Variants in ZNF493 observed in about 807,000 individuals in gnomAD.
ZNF493 encodes the protein zinc finger protein 493.
In ZNF493, 11 loss-of-function variants were observed where a neutral mutation model predicts 12.2. The observed-to-expected ratio is 0.90, with a 90% confidence interval of 0.57 to 1.50. ZNF493 has a LOEUF of 1.50. Ranked by LOEUF, ZNF493 falls within the 40% of genes most tolerant of loss-of-function variation. ZNF493 has a pLI of 0.00. For missense variants in ZNF493, 950 were observed against 906.6 expected, an observed-to-expected ratio of 1.05 and a Z score of -0.61; for synonymous variants, 286 against 302.6, an observed-to-expected ratio of 0.95 and a Z score of 0.57.
At chr19:21,402,401 G>A (rs867867970) in intron 1 of ZNF493, among the ~76,000 whole-genome samples, 3 of 152,138 alleles carry the variant, frequency 2.0e-5, no homozygotes, top group Admixed American at 1.3e-4. Flanking sequence ...TGGCCCTGAC[G>A]AACTCTCTAA....
At chr19:21,410,066 A>G (rs1479327255) in intron 3 of ZNF493, among the ~76,000 whole-genome samples, 6 of 73,926 alleles carry the variant, frequency 8.1e-5, no homozygotes, top group African/African-American at 1.4e-4. Context: ...GTGTGTATAT[A>G]TATATATATA....
intron 1 of ZNF493, among the ~76,000 whole-genome samples, chr19:21,401,182 G>A (rs2029932487): frequency 6.6e-6 from 1 of 152,142 alleles, no homozygotes; most frequent in Non-Finnish European, 1.5e-5. Context: ...AAATTTCATT[G>A]CAAGCTTTTT....
intron 3 of ZNF493, among the ~76,000 whole-genome samples, chr19:21,411,134 T>C (rs1487514243): frequency 1.3e-5 from 2 of 152,174 alleles, no homozygotes; most frequent in Admixed American, 6.5e-5. Context: ...ATATAGTTTT[T>C]AAAAATGATG....
At chr19:21,412,711 G>C (rs2030363465) in intron 3 of ZNF493, 1 of 236,518 alleles carries the variant, frequency 4.2e-6, no homozygotes, top group South Asian at 4.4e-5. Flanking sequence ...CTGCTAATCT[G>C]TCTGCAGCTC....
chr19:21,416,689 C>G (rs1008660719), intron 3 of ZNF493, among the ~76,000 whole-genome samples: 4 of 152,138 alleles, frequency 2.6e-5, no homozygotes, highest in Non-Finnish European at 4.4e-5. Context: ...TCCTCCTGTT[C>G]GTTTAATTTC....
intron 3 of ZNF493, chr19:21,414,654 A>G (rs1360050508): frequency 6.6e-6 from 1 of 152,238 alleles, no homozygotes; most frequent in African/African-American, 2.4e-5. Flanking sequence ...CCACGTGTGA[A>G]GAATCAGAAA....
intron 3 of ZNF493, chr19:21,407,663 T>C (rs1367876560): frequency 5.2e-6 from 5 of 969,390 alleles, no homozygotes; most frequent in Non-Finnish European, 6.1e-6. Context: ...TACACTTTTA[T>C]GTTAATTTTA....
intron 1 of ZNF493, among the ~76,000 whole-genome samples, chr19:21,404,792 A>T (rs1220758439): frequency 7.2e-6 from 1 of 138,052 alleles, no homozygotes; most frequent in Non-Finnish European, 1.6e-5. Flanking sequence ...AACTCAACAT[A>T]TCTTTTGTCT....
At chr19:21,407,767 A>C in intron 3 of ZNF493, 1 of 984,736 alleles carries the variant, frequency 1.0e-6, no homozygotes, top group Non-Finnish European at 1.2e-6. Context: ...CTCAAACAGC[A>C]ACTTTTTACT....
chr19:21,405,891 G>C, intron 3 of ZNF493, 35 bp downstream of exon 3: 3 of 451,626 alleles, frequency 6.6e-6, no homozygotes, highest in African/African-American at 2.8e-5. Context: ...TGACATAGAT[G>C]AAAGGTTGAA....
At chr19:21,422,231 A>G (rs866719613) in intron 3 of ZNF493, among the ~76,000 whole-genome samples, 1 of 152,032 alleles carries the variant, frequency 6.6e-6, no homozygotes, top group African/African-American at 2.4e-5. Flanking sequence ...CTGCTGTAAC[A>G]TTTACCTTTG....
chr19:21,408,834 C>A (rs1016489844), intron 3 of ZNF493: 170 of 973,672 alleles, frequency 1.7e-4, no homozygotes, highest in Non-Finnish European at 2.1e-4. Flanking sequence ...ATAAATATGA[C>A]CCCAATATTG....
At chr19:21,404,862 TTG>T (rs140766970) in intron 1 of ZNF493, among the ~76,000 whole-genome samples, 21,398 of 152,206 alleles carry the variant, frequency 0.14, 1,967 homozygotes, top group Non-Finnish European at 0.21. Context: ...ATGTACATGT[TTG>T]TGTTTATGCC....
intron 3 of ZNF493, chr19:21,407,727 G>A: frequency 2.0e-6 from 2 of 979,660 alleles, no homozygotes; most frequent in Non-Finnish European, 2.4e-6. Context: ...TCAATGTACT[G>A]TGGTTTTTTA....
At position 21,424,730 on chromosome 19, in the gene ZNF493, G is replaced by A. The variant is rs138915851; in HGVS notation, c.2071G>A (p.Gly691Ser). ...EEKPYKCEKC[G>S]KTFYRFSNLN... ...GAAACCCTACAAATGTGAAAAATGT[G>A]GCAAAACTTTCTACCGATTCTCAAA... Residue 691 changes from glycine (G) to serine (S), a missense_variant, in exon 4 of 4, where the codon GGC (glycine) becomes AGC (serine). Gly to Ser is a moderately conservative substitution (Grantham distance 56). Coordinates refer to ENST00000392288, the MANE Select transcript of ZNF493 (RefSeq NM_001076678.3). 6.2e-7 allele frequency: 1 copy of A among 1,613,148 alleles called. No homozygotes were observed. The highest frequency in any genetic ancestry group is 8.5e-7 in the Non-Finnish European group (1 of 1,179,590).
intron 3 of ZNF493, 79 bp from the exon 4 acceptor site, chr19:21,422,831 TATA>T (rs2030720310): frequency 1.6e-6 from 2 of 1,253,544 alleles, no homozygotes; most frequent in African/African-American, 3.0e-5. Flanking sequence ...ATGCAGTTTG[TATA>T]ATATTATAGT....
chr19:21,403,848 C>G (rs183411304), intron 1 of ZNF493, among the ~76,000 whole-genome samples: 2 of 151,088 alleles, frequency 1.3e-5, no homozygotes, highest in East Asian at 3.9e-4. Flanking sequence ...TCTCCTATAT[C>G]CCAGAACCTT....
intron 3 of ZNF493, among the ~76,000 whole-genome samples, chr19:21,417,881 ATTCT>A (rs2030541243): frequency 6.6e-6 from 1 of 152,220 alleles, no homozygotes; most frequent in Non-Finnish European, 1.5e-5. Context: ...AAACGGCAAC[ATTCT>A]TTAAGAGTCT....
At chr19:21,405,025 A>G (rs1339617382) in intron 1 of ZNF493, 104 bp from the exon 2 acceptor site, 1 of 1,511,798 alleles carries the variant, frequency 6.6e-7, no homozygotes, top group African/African-American at 1.4e-5. Flanking sequence ...TGTAAGTCAG[A>G]ACGAATTTTC....
Sources: gnomAD v4.1 joint callset for allele counts (sites outside exome capture counted in the v4.1 genomes callset) on GRCh38, gnomAD v4.1.1 for gene constraint, MANE v1.5 for transcripts, NCBI Gene and HGNC (gene_info 2026-07-23, HGNC 2026-07-21) for gene names.